Variants in WWTR1 observed in about 807,000 individuals in gnomAD.
WWTR1 encodes the protein WW domain containing transcription regulator 1.
Under a neutral mutation model 40.1 loss-of-function variants are expected in WWTR1, and 13 were observed. The observed-to-expected ratio is 0.32, with a 90% CI of 0.21 to 0.52. WWTR1 has a LOEUF of 0.52. Ranked by LOEUF, WWTR1 falls within the 20% of genes least tolerant of loss-of-function variation. The pLI is 0.97. For missense variants in WWTR1, 436 were observed against 523.1 expected, an observed-to-expected ratio of 0.83 and a Z score of 1.63; for synonymous variants, 230 against 210.1, an observed-to-expected ratio of 1.09 and a Z score of -0.82.
At chr3:149,521,108 TTACTCATAAGAGG>T (rs1335471724) in intron 6 of WWTR1, 119 bp from the exon 7 acceptor site, 46 of 1,202,334 alleles carry the variant, frequency 3.8e-5, no homozygotes, top group Non-Finnish European at 5.2e-5. Flanking sequence ...TTATTGACCC[TTACTCATAAGAGG>T]TACAGAGATG....
chr3:149,656,498 C>T (rs75647513), intron 2 of WWTR1, among the ~76,000 whole-genome samples: 10,136 of 152,132 alleles, frequency 0.067, 844 homozygotes, highest in African/African-American at 0.19. Context: ...TGATTTATCT[C>T]GGTGTCACAT....
At chr3:149,724,379 C>T (rs1238974352) in intron 3 of WWTR1, among the ~76,000 whole-genome samples, 3 of 152,022 alleles carry the variant, frequency 2.0e-5, no homozygotes, top group Non-Finnish European at 4.4e-5. Context: ...TTTCTGCCTT[C>T]TCTCCAGCTC....
intron 5 of WWTR1, among the ~76,000 whole-genome samples, chr3:149,711,943 C>A (rs1335108535): frequency 6.6e-6 from 1 of 152,168 alleles, no homozygotes; most frequent in Non-Finnish European, 1.5e-5. Flanking sequence ...TTACTTACCT[C>A]TAGTTATCTG....
chr3:149,597,484 A>G (rs929878012), intron 2 of WWTR1, among the ~76,000 whole-genome samples: 1 of 151,854 alleles, frequency 6.6e-6, no homozygotes, highest in African/African-American at 2.4e-5. Flanking sequence ...AAAAGAAAAA[A>G]AGAAAAATTA....
chr3:149,588,790 C>T (rs897873202), intron 2 of WWTR1, among the ~76,000 whole-genome samples: 1 of 152,164 alleles, frequency 6.6e-6, no homozygotes, highest in South Asian at 2.1e-4. Flanking sequence ...ACATTTGAAC[C>T]TATACCTGCT....
chr3:149,634,265 C>T (rs1302347504), intron 2 of WWTR1, among the ~76,000 whole-genome samples: 1 of 152,156 alleles, frequency 6.6e-6, no homozygotes, highest in East Asian at 1.9e-4. Flanking sequence ...GTTTTCTGAG[C>T]AAAGTGGGGA....
intron 2 of WWTR1, among the ~76,000 whole-genome samples, chr3:149,575,184 T>A (rs1737829517): frequency 6.6e-6 from 1 of 152,174 alleles, no homozygotes; most frequent in African/African-American, 2.4e-5. Context: ...AACAATAGTT[T>A]TAGTTTACAC....
chr3:149,706,558 TCCAC>T (rs1043117342), upstream of WWTR1, among the ~76,000 whole-genome samples: 1 of 152,126 alleles, frequency 6.6e-6, no homozygotes, highest in Non-Finnish European at 1.5e-5. Flanking sequence ...CCTCAGGTGA[TCCAC>T]CCGCCTCAGC....
At chr3:149,662,287 A>G (rs1713621156), upstream of WWTR1, among the ~76,000 whole-genome samples, 1 of 152,142 alleles carries the variant, frequency 6.6e-6, no homozygotes, top group South Asian at 2.1e-4. Context: ...TGGTATTGCC[A>G]TTTTAAATCG....
chr3:149,651,221 T>G (rs1712845183), intron 2 of WWTR1, among the ~76,000 whole-genome samples: 1 of 152,198 alleles, frequency 6.6e-6, no homozygotes, highest in African/African-American at 2.4e-5. Flanking sequence ...TCAGAACAAT[T>G]TTTAAGTAAA....
intron 2 of WWTR1, among the ~76,000 whole-genome samples, chr3:149,594,088 T>C (rs1339380470): frequency 6.6e-6 from 1 of 152,246 alleles, no homozygotes; most frequent in Non-Finnish European, 1.5e-5. Context: ...TTATTTATGG[T>C]TTGTATACTG....
At chr3:149,658,888 C>A (rs1166339307), upstream of WWTR1, among the ~76,000 whole-genome samples, 3 of 152,148 alleles carry the variant, frequency 2.0e-5, no homozygotes, top group Non-Finnish European at 4.4e-5. Context: ...TCCCTGCCGC[C>A]CTCCGGGGAG....
chr3:149,544,487 G>A (rs1560053044), intron 3 of WWTR1, among the ~76,000 whole-genome samples: 1 of 152,152 alleles, frequency 6.6e-6, no homozygotes, highest in Non-Finnish European at 1.5e-5. Context: ...GAAATGAGAT[G>A]GATTTTTATG....
intron 2 of WWTR1, among the ~76,000 whole-genome samples, chr3:149,645,272 G>C (rs968560624): frequency 6.6e-6 from 1 of 151,282 alleles, no homozygotes; most frequent in Non-Finnish European, 1.5e-5. Flanking sequence ...GTAGAGATGG[G>C]GTTTCACCGT....
chr3:149,684,728 T>C (rs1386499365), intron 1 of WWTR1, among the ~76,000 whole-genome samples: 1 of 152,108 alleles, frequency 6.6e-6, no homozygotes, highest in African/African-American at 2.4e-5. Context: ...CACACCCAGC[T>C]AATTTTTGTA....
At chr3:149,633,832 G>A (rs183278990) in intron 2 of WWTR1, among the ~76,000 whole-genome samples, 1 of 152,150 alleles carries the variant, frequency 6.6e-6, no homozygotes, top group Admixed American at 6.5e-5. Context: ...TGGGTTGCAA[G>A]GGAAGTGAGG....
intron 2 of WWTR1, among the ~76,000 whole-genome samples, chr3:149,668,341 C>T (rs567135312): frequency 6.6e-6 from 1 of 152,148 alleles, no homozygotes; most frequent in South Asian, 2.1e-4. Context: ...TGACTCTTGG[C>T]CAGGCGTGTA....
chr3:149,631,929 T>C (rs1341582823), intron 2 of WWTR1, among the ~76,000 whole-genome samples: 1 of 152,104 alleles, frequency 6.6e-6, no homozygotes, highest in Non-Finnish European at 1.5e-5. Flanking sequence ...TTTATTTATT[T>C]ATTCATTTAG....
chr3:149,529,970 C>G (rs72996096), intron 4 of WWTR1, among the ~76,000 whole-genome samples: 3,268 of 152,244 alleles, frequency 0.021, 120 homozygotes, highest in African/African-American at 0.074. Flanking sequence ...GAGTTTACCT[C>G]TAAACAAATA....
Sources: allele counts gnomAD v4.1 joint callset (sites outside exome capture counted in the v4.1 genomes callset), GRCh38; gene constraint gnomAD v4.1.1; transcripts MANE v1.5; gene names NCBI Gene and HGNC (gene_info 2026-07-23, HGNC 2026-07-21).